Variants in PCDHGB2 observed in about 807,000 individuals in gnomAD.
The protein encoded by PCDHGB2 is protocadherin gamma-B2.
PCDHGB2 carries 55 observed loss-of-function variants against 59.3 expected under a neutral mutation model. That is an observed-to-expected ratio of 0.93 (90% CI 0.75 to 1.16). The LOEUF (loss-of-function observed/expected upper bound fraction) is 1.16. Among genes scored for constraint, PCDHGB2 ranks in the 50% most tolerant of loss-of-function variants. The probability of loss-of-function intolerance (pLI) is 0.00; values close to 1 mark genes in which losing one functional copy is unlikely to be tolerated. For missense variants in PCDHGB2, 1,228 were observed against 1,198.5 expected, an observed-to-expected ratio of 1.02 and a Z score of -0.36; for synonymous variants, 516 against 512.0, an observed-to-expected ratio of 1.01 and a Z score of -0.11.
In PCDHGB2 at chr5:141,370,967, C is replaced by T. The variant is rs776738496; in HGVS notation, c.2421+8411C>T. On this transcript the variant is annotated intron_variant, in intron 1 of 3. Transcript: ENST00000522605. ...AGGAGAACCTGGATGGCAGTAGGTA[C>T]CCAGAGCTAGTACTGAAAGCACCCC... is the stretch of plus-strand genomic sequence containing the variant. 9.3e-6 allele frequency: 15 copies of T among 1,613,878 alleles called. 1 individual carries two copies. The South Asian group carries it at 1.3e-4, about 14-fold the overall frequency.
intron 1 of PCDHGB2, chr5:141,371,701 A>C: frequency 6.2e-7 from 1 of 1,614,064 alleles, no homozygotes; most frequent in Non-Finnish European, 8.5e-7. Flanking sequence ...TCCTCCAGCA[A>C]GACCATCACT....
intron 1 of PCDHGB2, chr5:141,388,283 C>T (rs1164558432): frequency 1.2e-6 from 2 of 1,613,304 alleles, no homozygotes; most frequent in East Asian, 4.5e-5. Flanking sequence ...CGCCAAAATT[C>T]ACGCAAAATT....
chr5:141,467,878 C>T (rs937986234), intron 1 of PCDHGB2, among the ~76,000 whole-genome samples: 8 of 151,998 alleles, frequency 5.3e-5, no homozygotes, highest in Non-Finnish European at 7.4e-5. Flanking sequence ...AGGCTGGTCT[C>T]AAACTCCTGA....
intron 1 of PCDHGB2, chr5:141,422,941 G>C (rs777535652): frequency 1.2e-6 from 2 of 1,614,218 alleles, no homozygotes; most frequent in Non-Finnish European, 1.7e-6. Context: ...CCCCACAGAC[G>C]GCTCCACTGG....
At chr5:141,449,723 GA>G (rs1432635918) in intron 1 of PCDHGB2, among the ~76,000 whole-genome samples, 2 of 150,880 alleles carry the variant, frequency 1.3e-5, no homozygotes, top group Admixed American at 6.6e-5. Flanking sequence ...TATATGATAT[GA>G]TTTTTTTATG....
chr5:141,413,400 G>A (rs1328176117), intron 1 of PCDHGB2: 4 of 1,614,060 alleles, frequency 2.5e-6, no homozygotes, highest in Non-Finnish European at 2.5e-6. Context: ...CCAGAGGTAG[G>A]ACGCAGCTTT....
In PCDHGB2 at chr5:141,427,541, C is replaced by G. The variant is rs541988301; in HGVS notation, c.2421+64985C>G. ...AGCGGATCCCGGAGTACAACGTCACCATCACTGCCACTGACAAGGGCAAGC... is the reference window on the plus strand; with the variant it reads ...AGCGGATCCCGGAGTACAACGTCACGATCACTGCCACTGACAAGGGCAAGC... On this transcript the variant is annotated intron_variant, in intron 1 of 3. Coordinates refer to ENST00000522605, the MANE Select transcript of PCDHGB2 (RefSeq NM_018923.3). 3.1e-5 allele frequency: 20 copies of G among 635,320 alleles called. No individual in the cohort carries two copies. The African/African-American group carries it at 3.6e-4, about 11-fold the overall frequency. The allele number at this position is 635,320 out of a possible 1,614,324, so 39.4% of individuals were successfully genotyped here.
In PCDHGB2 at chr5:141,512,874, C is replaced by G. The variant is rs2099884476; in HGVS notation, c.*1701C>G. The G allele has an allele frequency of 6.6e-6, 1 of 152,246 alleles. No homozygotes were observed. Among genetic ancestry groups the G allele is most frequent in the Non-Finnish European group, 1.5e-5 (1 of 68,062 alleles). 9.4% of individuals were successfully genotyped at this position (152,246 alleles called of 1,614,324 possible). ...CTTCTCTTCGCATAGTCACGTAGCT[C>G]CCACCCCACCCTCTTCCTGTGTCTC... On this transcript the variant is annotated 3_prime_UTR_variant, in exon 4 of 4. Transcript: ENST00000522605.
At chr5:141,406,448 A>G (rs149183502) in intron 1 of PCDHGB2, among the ~76,000 whole-genome samples, 1 of 152,348 alleles carries the variant, frequency 6.6e-6, no homozygotes, top group African/African-American at 2.4e-5. Context: ...TTCCATTTCT[A>G]TGACAGGAAA....
Position 141,490,413 on chromosome 5 carries a change from G to A in PCDHGB2, c.2422-4394G>A, listed in dbSNP as rs2233606. On this transcript the variant is annotated intron_variant, in intron 1 of 3. Transcript: ENST00000522605. The surrounding 1 kb of genome is among the most constrained non-coding windows in gnomAD (Gnocchi z 5.4). ...GTGAAGTGAGCCTTGATATCTCTCC[G>A]GACCTGCCATTTCAGATTAAGCCTT... 2.3e-3 allele frequency: 3,787 copies of A among 1,614,128 alleles called. 38 individuals are homozygous for A. In the African/African-American group the frequency reaches 0.027, roughly 12 times the overall value.
intron 1 of PCDHGB2, among the ~76,000 whole-genome samples, chr5:141,454,859 G>A (rs2098805080): frequency 7.9e-6 from 1 of 126,982 alleles, no homozygotes; most frequent in African/African-American, 3.1e-5. Flanking sequence ...CCAGGCTGGA[G>A]TGCAGTGGCA....
Position 141,491,543 on chromosome 5 carries a change from A to G in PCDHGB2, c.2422-3264A>G. 6.2e-7 allele frequency: 1 copy of G among 1,613,842 alleles called. No individual in the cohort carries two copies. The highest frequency in any genetic ancestry group is 8.5e-7 in the Non-Finnish European group (1 of 1,179,982). ...ATGGAGGTGACGCTGCGGCCCACAG[A>G]CTCGCAGAGCCACTGCTACAGGACG... On this transcript the variant is annotated intron_variant, in intron 1 of 3. Coordinates refer to ENST00000522605, the MANE Select transcript of PCDHGB2 (RefSeq NM_018923.3). The surrounding 1 kb of genome is among the most constrained non-coding windows in gnomAD (Gnocchi z 6.9).
chr5:141,386,941 C>A (rs1391826060), intron 1 of PCDHGB2, among the ~76,000 whole-genome samples: 1 of 152,212 alleles, frequency 6.6e-6, no homozygotes, highest in Non-Finnish European at 1.5e-5. Context: ...AGGTAGGAAG[C>A]AGTGCTTCAG....
chr5:141,498,093 G>T (rs975304630), intron 2 of PCDHGB2, among the ~76,000 whole-genome samples: 4 of 152,220 alleles, frequency 2.6e-5, no homozygotes, highest in Admixed American at 1.3e-4. Context: ...AATTGTATCT[G>T]GTGGTGTGGG....
At position 141,487,144 on chromosome 5, in the gene PCDHGB2, C is replaced by T. The variant is rs2099640304; in HGVS notation, c.2422-7663C>T. The T allele has an allele frequency of 6.2e-7, 1 of 1,614,032 alleles. No homozygotes were observed. Among genetic ancestry groups the T allele is most frequent in the African/African-American group, 1.3e-5 (1 of 75,056 alleles). On this transcript the variant is annotated intron_variant, in intron 1 of 3. Coordinates refer to ENST00000522605, the MANE Select transcript of PCDHGB2 (RefSeq NM_018923.3). This position sits in a 1 kb window ranked among gnomAD's most constrained non-coding sequence, Gnocchi z 5.0. ...ATAGTGGTAGTCCACCACTCTCTAC[C>T]TCTGTTACTCTCTTAGTGTCCTTAG...
intron 1 of PCDHGB2, chr5:141,395,508 A>T: frequency 2.2e-6 from 1 of 461,184 alleles, no homozygotes. Context: ...CTTAAGAAGT[A>T]GCTACCCGTC....
intron 1 of PCDHGB2, among the ~76,000 whole-genome samples, chr5:141,452,455 C>T (rs2098741536): frequency 6.6e-6 from 1 of 152,208 alleles, no homozygotes; most frequent in Non-Finnish European, 1.5e-5. Flanking sequence ...GCCTTGTCAG[C>T]AGACGGAGCT....
At chr5:141,416,761 C>G (rs1371541017) in intron 1 of PCDHGB2, 2 of 152,140 alleles carry the variant, frequency 1.3e-5, no homozygotes, top group Non-Finnish European at 2.9e-5. Context: ...AGGTAGATCT[C>G]TTAATTTTAT....
rs747671382 is a variant in PCDHGB2 at position 141,444,152 on chromosome 5, A to ATTTTTTTT, written c.2422-50626_2422-50619dup. ...GATATGTGTCACTTGTGTGTACTGG[A>ATTTTTTTT]TTTTTTTTTTTTTTTTTTTTTTTTT... On this transcript the variant is annotated intron_variant, in intron 1 of 3. Transcript: ENST00000522605. Among the ~76,000 whole-genome samples, 8 of 33,898 alleles carry ATTTTTTTT rather than the reference A, an allele frequency of 2.4e-4. 3 individuals are homozygous for ATTTTTTTT. Among genetic ancestry groups the ATTTTTTTT allele is most frequent in the African/African-American group, 5.6e-4 (4 of 7,184 alleles). The allele number at this position is 33,898 out of a possible 152,430, so 22.2% of individuals were successfully genotyped here.
Sources: gnomAD v4.1 joint callset for allele counts (sites outside exome capture counted in the v4.1 genomes callset) on GRCh38, gnomAD v4.1.1 for gene constraint, Gnocchi (gnomAD v3.1) non-coding constraint, MANE v1.5 for transcripts, NCBI Gene and HGNC (gene_info 2026-07-23, HGNC 2026-07-21) for gene names.